LRMDA: variants seen among roughly 807,000 people sequenced by gnomAD.
The protein encoded by LRMDA is leucine rich melanocyte differentiation associated, also known as leucine-rich melanocyte differentiation-associated protein.
Under a neutral mutation model 29.8 loss-of-function variants are expected in LRMDA, and 18 were observed. The observed-to-expected ratio is 0.60, with a 90% CI of 0.42 to 0.90. The LOEUF (loss-of-function observed/expected upper bound fraction) is 0.90, where lower values mean the gene tolerates loss of function less well. Among genes scored for constraint, LRMDA ranks in the 40% least tolerant of loss-of-function variants. LRMDA has a pLI of 0.00. For missense variants in LRMDA, 273 were observed against 273.9 expected (o/e 1.00, Z 0.02); for synonymous variants, 125 against 109.4 (o/e 1.14, Z -0.89).
At chr10:75,666,624 A>T (rs1211042968) in intron 2 of LRMDA, among the ~76,000 whole-genome samples, 5 of 152,142 alleles carry the variant, frequency 3.3e-5, no homozygotes, top group Non-Finnish European at 5.9e-5. Context: ...TTTAATTTTG[A>T]ATTTTGGGGG....
rs184223828 is a variant in LRMDA at position 75,894,672 on chromosome 10, A to G, written c.132-141336A>G. On this transcript the variant is annotated intron_variant, in intron 2 of 6. Coordinates refer to ENST00000611255, the MANE Select transcript of LRMDA (RefSeq NM_001305581.2). The stretch of plus-strand genomic sequence containing the variant: ...ATGGAGATGGGCATTGTAGCCTGGC[A>G]TGAGAAAGATGTGAGAATGCCATAA... Among the ~76,000 whole-genome samples, 14 of 152,272 alleles carry G rather than the reference A, an allele frequency of 9.2e-5. No homozygotes were observed. The East Asian group carries it at 1.5e-3, about 17-fold the overall frequency.
chr10:76,236,544 A>G (rs1025541900), intron 5 of LRMDA, among the ~76,000 whole-genome samples: 5 of 152,274 alleles, frequency 3.3e-5, no homozygotes, highest in Admixed American at 1.3e-4. Context: ...TCTTTAACCA[A>G]TCAATGGTCT....
chr10:75,595,299 C>T (rs2132087158), intron 2 of LRMDA, among the ~76,000 whole-genome samples: 1 of 152,254 alleles, frequency 6.6e-6, no homozygotes, highest in East Asian at 1.9e-4. Flanking sequence ...TCAGTCTTGA[C>T]ATTAACCAAA....
At chr10:75,574,044 TC>T (rs1840471029) in intron 2 of LRMDA, among the ~76,000 whole-genome samples, 1 of 152,096 alleles carries the variant, frequency 6.6e-6, no homozygotes, top group Non-Finnish European at 1.5e-5. Context: ...TAGTAGAGTT[TC>T]TTTTGTCCCC....
intron 2 of LRMDA, among the ~76,000 whole-genome samples, chr10:76,031,172 G>T (rs1848142259): frequency 6.6e-6 from 1 of 152,224 alleles, no homozygotes; most frequent in African/African-American, 2.4e-5. Flanking sequence ...GGATTATGAA[G>T]AGGTCTGGGG....
At chr10:75,643,313 G>T (rs2132121079) in intron 2 of LRMDA, among the ~76,000 whole-genome samples, 1 of 152,242 alleles carries the variant, frequency 6.6e-6, no homozygotes, top group South Asian at 2.1e-4. Flanking sequence ...TATGACATTG[G>T]AAAATATAAT....
intron 6 of LRMDA, among the ~76,000 whole-genome samples, chr10:76,481,617 C>G (rs1842734259): frequency 6.6e-6 from 1 of 151,886 alleles, no homozygotes; most frequent in Middle Eastern, 3.2e-3. Context: ...CTCAGGTATA[C>G]ATTTAGCTCT....
intron 6 of LRMDA, among the ~76,000 whole-genome samples, chr10:76,377,075 C>G (rs939397226): frequency 2.0e-5 from 3 of 151,474 alleles, no homozygotes; most frequent in Non-Finnish European, 4.4e-5. Context: ...TTAGTAGAGA[C>G]AGGGTTTCAC....
At chr10:75,692,513 G>A (rs1842181156) in intron 2 of LRMDA, among the ~76,000 whole-genome samples, 1 of 150,576 alleles carries the variant, frequency 6.6e-6, no homozygotes, top group Non-Finnish European at 1.5e-5. Flanking sequence ...GTATACATGT[G>A]TGTATACACA....
At chr10:76,013,844 A>G (rs1423300874) in intron 2 of LRMDA, among the ~76,000 whole-genome samples, 2 of 151,842 alleles carry the variant, frequency 1.3e-5, no homozygotes, top group Non-Finnish European at 2.9e-5. Flanking sequence ...TTCCCTTGGC[A>G]ATCACCATTC....
intron 2 of LRMDA, among the ~76,000 whole-genome samples, chr10:75,441,264 C>T (rs1028087236): frequency 2.6e-5 from 4 of 152,168 alleles, no homozygotes; most frequent in Admixed American, 2.0e-4. Flanking sequence ...TCACTATATC[C>T]GTGGGATTGC....
intron 5 of LRMDA, among the ~76,000 whole-genome samples, chr10:76,152,244 G>A (rs557759274): frequency 6.6e-5 from 10 of 152,200 alleles, no homozygotes; most frequent in African/African-American, 2.4e-4. Context: ...CCTATTCTTG[G>A]CATTTTATAC....
intron 6 of LRMDA, among the ~76,000 whole-genome samples, chr10:76,421,526 A>G (rs1301649933): frequency 6.6e-6 from 1 of 152,224 alleles, no homozygotes; most frequent in African/African-American, 2.4e-5. Context: ...CTTAACTAAC[A>G]TTTAATATAG....
intron 6 of LRMDA, among the ~76,000 whole-genome samples, chr10:76,482,375 T>G (rs1219687104): frequency 6.6e-6 from 1 of 151,952 alleles, no homozygotes; most frequent in Non-Finnish European, 1.5e-5. Flanking sequence ...CAGGGGTACT[T>G]CTTACTTAGC....
chr10:76,399,596 G>T (rs1163970851), intron 6 of LRMDA, among the ~76,000 whole-genome samples: 1 of 152,158 alleles, frequency 6.6e-6, no homozygotes, highest in African/African-American at 2.4e-5. Context: ...TAAGTATATG[G>T]TCACCTTGAA....
chr10:75,651,070 C>T (rs1841593195), intron 2 of LRMDA, among the ~76,000 whole-genome samples: 1 of 152,186 alleles, frequency 6.6e-6, no homozygotes, highest in African/African-American at 2.4e-5. Flanking sequence ...CTTTTTCTCT[C>T]CTGACATTCT....
At position 75,714,891 on chromosome 10, in the gene LRMDA, C is replaced by T. The variant is rs375150011; in HGVS notation, c.131+276397C>T. Among the ~76,000 whole-genome samples the T allele has an allele frequency of 3.0e-5, 4 of 131,368 alleles. No individual in the cohort carries two copies. The East Asian group carries it at 9.2e-4, about 30-fold the overall frequency. The allele number at this position is 131,368 out of a possible 152,430, so 86.2% of individuals were successfully genotyped here. ...CCTTCCTTCCTTCCTTCTTTCCTTC[C>T]TTCCTTCCTTCCCTCCTGGAAATCT... On this transcript the variant is annotated intron_variant, in intron 2 of 6. Transcript: ENST00000611255.
At chr10:76,357,578 A>AGT (rs1245819394) in intron 6 of LRMDA, among the ~76,000 whole-genome samples, 2 of 152,172 alleles carry the variant, frequency 1.3e-5, no homozygotes, top group African/African-American at 4.8e-5. Context: ...GGCACTCTAT[A>AGT]TTGTTTGTTC....
intron 2 of LRMDA, among the ~76,000 whole-genome samples, chr10:75,995,999 G>A (rs1025894752): frequency 4.6e-5 from 7 of 152,280 alleles, no homozygotes; most frequent in Non-Finnish European, 1.0e-4. Context: ...TGCTTTGCCT[G>A]GGAAAAGCCT....
Sources: allele counts gnomAD v4.1 joint callset (sites outside exome capture counted in the v4.1 genomes callset), GRCh38; gene constraint gnomAD v4.1.1; transcripts MANE v1.5; gene names NCBI Gene and HGNC (gene_info 2026-07-23, HGNC 2026-07-21).